Variants in KCNU1 observed in about 807,000 individuals in gnomAD.
KCNU1 encodes the protein potassium calcium-activated channel subfamily U member 1.
In KCNU1, 93 loss-of-function variants were observed where a neutral mutation model predicts 126.8. That is an observed-to-expected ratio of 0.73 (90% CI 0.62 to 0.87). The LOEUF (loss-of-function observed/expected upper bound fraction) is 0.87. KCNU1 is among the 40% of genes least tolerant of loss of function. KCNU1 has a pLI of 0.00. For synonymous variants in KCNU1, 523 were observed against 494.2 expected (o/e 1.06, Z -0.77); for missense variants, 1,330 against 1,367.1 (o/e 0.97, Z 0.43).
intron 13 of KCNU1, 41 bp from the exon 14 acceptor site, chr8:36,836,752 G>T (rs776052541): frequency 1.3e-6 from 2 of 1,594,474 alleles, no homozygotes; most frequent in South Asian, 2.2e-5. Context: ...CTTGAGGTGT[G>T]TTTATTCCTA....
intron 19 of KCNU1, among the ~76,000 whole-genome samples, chr8:36,865,206 A>T (rs1474099751): frequency 6.6e-6 from 1 of 152,146 alleles, no homozygotes; most frequent in East Asian, 1.9e-4. Flanking sequence ...ACATAATGTT[A>T]TAAATATTTT....
intron 14 of KCNU1, among the ~76,000 whole-genome samples, chr8:36,839,007 T>C (rs1408940148): frequency 2.0e-5 from 3 of 152,216 alleles, no homozygotes; most frequent in Non-Finnish European, 4.4e-5. Flanking sequence ...AGTAGGCCCT[T>C]ACTTTCCCTG....
At chr8:36,799,954 G>A (rs1430576462) in intron 2 of KCNU1, among the ~76,000 whole-genome samples, 2 of 152,000 alleles carry the variant, frequency 1.3e-5, no homozygotes, top group Non-Finnish European at 2.9e-5. Flanking sequence ...TACCTCTATT[G>A]AGACATTAAT....
intron 10 of KCNU1, among the ~76,000 whole-genome samples, chr8:36,830,331 T>A (rs972882494): frequency 6.6e-6 from 1 of 151,930 alleles, no homozygotes; most frequent in African/African-American, 2.4e-5. Context: ...ATTAAAGATA[T>A]CTTTTTTATT....
chr8:36,926,842 C>A (rs551002820), intron 24 of KCNU1, among the ~76,000 whole-genome samples: 1 of 152,156 alleles, frequency 6.6e-6, no homozygotes, highest in African/African-American at 2.4e-5. Context: ...TTCCTTGATA[C>A]CCACACTATA....
chr8:36,901,212 T>G (rs970956690), intron 19 of KCNU1, among the ~76,000 whole-genome samples: 2 of 152,150 alleles, frequency 1.3e-5, no homozygotes, highest in Admixed American at 1.3e-4. Flanking sequence ...ATGACAAATT[T>G]ACATTCTTGG....
chr8:36,894,265 T>A (rs944977546), intron 19 of KCNU1, among the ~76,000 whole-genome samples: 1 of 152,136 alleles, frequency 6.6e-6, no homozygotes, highest in Non-Finnish European at 1.5e-5. Context: ...TTGGCACTTA[T>A]CACAATATTC....
chr8:36,787,244 T>C, intron 1 of KCNU1, 62 bp from the exon 2 acceptor site: 1 of 1,473,320 alleles, frequency 6.8e-7, no homozygotes. Context: ...TCAACGTAAG[T>C]AGAACAGATT....
intron 10 of KCNU1, among the ~76,000 whole-genome samples, chr8:36,827,298 C>T (rs1804361344): frequency 6.6e-6 from 1 of 152,176 alleles, no homozygotes; most frequent in Non-Finnish European, 1.5e-5. Flanking sequence ...CAATTTTACC[C>T]TTCTTCTTTG....
At position 36,910,002 on chromosome 8, in the gene KCNU1, T is replaced by C. The variant is rs920656440; in HGVS notation, c.2331+467T>C. Among the ~76,000 whole-genome samples the C allele has an allele frequency of 4.6e-5, 7 of 152,158 alleles. No individual in the cohort carries two copies. The East Asian group carries it at 1.3e-3, about 29-fold the overall frequency. On this transcript the variant is annotated intron_variant, in intron 21 of 26. Transcript: ENST00000399881. ...CCATATAATGCCACATGGTCCCTGATAGCTGTATGGAGAGGAGGGATTTTA... is the reference window on the plus strand; with the variant it reads ...CCATATAATGCCACATGGTCCCTGACAGCTGTATGGAGAGGAGGGATTTTA...
intron 18 of KCNU1, among the ~76,000 whole-genome samples, chr8:36,860,605 G>A (rs2117324247): frequency 6.6e-6 from 1 of 152,280 alleles, no homozygotes; most frequent in South Asian, 2.1e-4. Context: ...AAGGAGGGGT[G>A]CATAAGAATC....
chr8:36,912,014 C>T (rs1055596757), intron 22 of KCNU1, among the ~76,000 whole-genome samples: 1 of 152,090 alleles, frequency 6.6e-6, no homozygotes, highest in African/African-American at 2.4e-5. Context: ...AACAGATTTC[C>T]AATTCTAGAA....
chr8:36,903,549 A>C (rs552012764), intron 19 of KCNU1, among the ~76,000 whole-genome samples: 35 of 152,324 alleles, frequency 2.3e-4, no homozygotes, highest in Non-Finnish European at 2.4e-4. Context: ...TAAGTGTGTA[A>C]GTAAATAGTA....
At chr8:36,894,693 A>G (rs1385670380) in intron 19 of KCNU1, among the ~76,000 whole-genome samples, 3 of 152,140 alleles carry the variant, frequency 2.0e-5, no homozygotes, top group Admixed American at 1.3e-4. Context: ...AATAGTCTGC[A>G]TGGCACAACT....
chr8:36,806,128 A>G (rs1457691694), intron 4 of KCNU1, 141 bp from the exon 5 acceptor site: 3 of 546,586 alleles, frequency 5.5e-6, no homozygotes, highest in Non-Finnish European at 9.6e-6. Context: ...GCATATAAAT[A>G]TATGTGTCTG....
In KCNU1 at chr8:36,805,252, CA is replaced by C. The variant is rs1803455236; in HGVS notation, c.437del (p.Asn146MetfsTer10). 6.2e-7 allele frequency: 1 copy of C among 1,607,382 alleles called. No homozygotes were observed. ...AAACCATTCCTATTGATTTGGTTTTCAATGCTTTCTTTAGTTTCTATTTTGG... is the reference window on the plus strand; with the variant it reads ...AAACCATTCCTATTGATTTGGTTTTCATGCTTTCTTTAGTTTCTATTTTGG... Reference protein sequence around the residue: ...DKTIPIDLVFNAFFSFYFGLR... With the variant: ...DKTIPIDLVFXAFFSFYFGLR... On this transcript the variant is annotated frameshift_variant, in exon 4 of 27. Coordinates refer to ENST00000399881, the MANE Select transcript of KCNU1 (RefSeq NM_001031836.3). LOFTEE classifies it high-confidence loss of function.
chr8:36,884,410 C>T (rs532592756), intron 19 of KCNU1, among the ~76,000 whole-genome samples: 11 of 152,168 alleles, frequency 7.2e-5, no homozygotes, highest in Non-Finnish European at 1.0e-4. Context: ...AGGTTAAATG[C>T]GTGGCAGGGT....
chr8:36,908,332 T>C (rs1381930673), intron 20 of KCNU1, among the ~76,000 whole-genome samples: 1 of 152,182 alleles, frequency 6.6e-6, no homozygotes, highest in Admixed American at 6.5e-5. Context: ...TTGGCAATGC[T>C]GATAGTAGTA....
chr8:36,858,390 C>T (rs1004719057), intron 18 of KCNU1, among the ~76,000 whole-genome samples: 2 of 151,780 alleles, frequency 1.3e-5, no homozygotes, highest in Non-Finnish European at 2.9e-5. Context: ...TTTTTTGAAG[C>T]AATGGATGAG....
Sources: allele counts gnomAD v4.1 joint callset (sites outside exome capture counted in the v4.1 genomes callset), GRCh38; gene constraint gnomAD v4.1.1; transcripts MANE v1.5; gene names NCBI Gene and HGNC (gene_info 2026-07-23, HGNC 2026-07-21).